The following PLCB1 variants were observed in gnomAD, a reference collection of about 807,000 sequenced individuals.
PLCB1 encodes 1-phosphatidylinositol 4,5-bisphosphate phosphodiesterase beta-1.
A neutral mutation model predicts 161.8 loss-of-function variants in PLCB1; 46 were observed. The observed-to-expected ratio is 0.28, with a 90% confidence interval of 0.22 to 0.36. The LOEUF is 0.36. PLCB1 is among the 10% of genes least tolerant of loss of function. The pLI is 1.00. For synonymous variants in PLCB1, 517 were observed against 503.7 expected, an observed-to-expected ratio of 1.03 and a Z score of -0.35; for missense variants, 1,016 against 1,472.5, an observed-to-expected ratio of 0.69 and a Z score of 5.07.
chr20:8,416,143 G>A (rs1434785777), intron 3 of PLCB1, among the ~76,000 whole-genome samples: 3 of 152,212 alleles, frequency 2.0e-5, no homozygotes, highest in Admixed American at 2.0e-4. Context: ...TGACTCATGT[G>A]TGTTGAGTTA....
At chr20:8,750,362 C>T (rs991746509) in intron 23 of PLCB1, among the ~76,000 whole-genome samples, 1 of 152,060 alleles carries the variant, frequency 6.6e-6, no homozygotes, top group Non-Finnish European at 1.5e-5. Flanking sequence ...GCTTCTAACT[C>T]ACCCTGGTAG....
intron 2 of PLCB1, among the ~76,000 whole-genome samples, chr20:8,247,650 A>G (rs1335875540): frequency 6.6e-6 from 1 of 151,754 alleles, no homozygotes; most frequent in Non-Finnish European, 1.5e-5. Context: ...AAACACACAC[A>G]CACACACACA....
intron 3 of PLCB1, among the ~76,000 whole-genome samples, chr20:8,518,935 G>T (rs1329683490): frequency 6.6e-6 from 1 of 151,994 alleles, no homozygotes; most frequent in African/African-American, 2.4e-5. Context: ...TGCATGCAAA[G>T]TTCCCAGTGG....
At chr20:8,380,164 GT>G (rs1415644118) in intron 3 of PLCB1, among the ~76,000 whole-genome samples, 1 of 152,198 alleles carries the variant, frequency 6.6e-6, no homozygotes, top group African/African-American at 2.4e-5. Flanking sequence ...AAGGGATCAA[GT>G]TTCAGTTTCC....
intron 31 of PLCB1, among the ~76,000 whole-genome samples, chr20:8,808,114 A>G (rs528298468): frequency 6.6e-6 from 1 of 152,208 alleles, no homozygotes; most frequent in Non-Finnish European, 1.5e-5. Flanking sequence ...TGTTACTTGC[A>G]TCTTGTGGAA....
At chr20:8,230,097 A>G (rs1979944241) in intron 2 of PLCB1, among the ~76,000 whole-genome samples, 1 of 150,564 alleles carries the variant, frequency 6.6e-6, no homozygotes, top group Admixed American at 6.6e-5. Flanking sequence ...AATCTGAAAA[A>G]CAGAAAACAA....
chr20:8,326,431 G>A (rs866411239), intron 2 of PLCB1, among the ~76,000 whole-genome samples: 2 of 152,158 alleles, frequency 1.3e-5, no homozygotes, highest in Admixed American at 6.5e-5. Flanking sequence ...AAGAATAGGC[G>A]ATTTTCAGTT....
At chr20:8,713,170 G>A (rs898307211) in intron 12 of PLCB1, among the ~76,000 whole-genome samples, 19 of 152,048 alleles carry the variant, frequency 1.2e-4, no homozygotes, top group Non-Finnish European at 1.2e-4. Context: ...AGTTGATTCT[G>A]AGGCAGGTTT....
intron 4 of PLCB1, among the ~76,000 whole-genome samples, chr20:8,635,032 T>A (rs1988717248): frequency 6.6e-6 from 1 of 152,192 alleles, no homozygotes; most frequent in Admixed American, 6.5e-5. Context: ...TCTCGCTCTA[T>A]CTCATGACTT....
intron 4 of PLCB1, among the ~76,000 whole-genome samples, chr20:8,633,736 A>G (rs953483371): frequency 1.3e-5 from 2 of 152,108 alleles, no homozygotes; most frequent in Non-Finnish European, 1.5e-5. Flanking sequence ...AAAGGAATAT[A>G]TCCACCTAAT....
intron 3 of PLCB1, among the ~76,000 whole-genome samples, chr20:8,526,900 C>T (rs1984607227): frequency 6.6e-6 from 1 of 151,990 alleles, no homozygotes; most frequent in Non-Finnish European, 1.5e-5. Context: ...GTTTTCACCC[C>T]TCATCTTTAG....
Position 8,883,258 on chromosome 20 carries a change from A to C in PLCB1, c.*1409A>C, listed in dbSNP as rs886056975. 1 of 152,158 alleles carries C rather than the reference A, an allele frequency of 6.6e-6. No homozygotes were observed. Among genetic ancestry groups the C allele is most frequent in the Non-Finnish European group, 1.5e-5 (1 of 68,008 alleles). 9.4% of individuals were successfully genotyped at this position (152,158 alleles called of 1,614,324 possible). ...TGACACATTTCTATTTTATTCTAAC[A>C]TAAAAAAACTTCCATTATATATTTA... On this transcript the variant is annotated 3_prime_UTR_variant, in exon 32 of 32. Coordinates refer to ENST00000338037, the MANE Select transcript of PLCB1 (RefSeq NM_015192.4).
At chr20:8,168,179 G>A (rs551903813) in intron 2 of PLCB1, among the ~76,000 whole-genome samples, 2 of 152,252 alleles carry the variant, frequency 1.3e-5, no homozygotes, top group South Asian at 2.1e-4. Context: ...TCATAGGTTG[G>A]GGAAATAGAT....
chr20:8,516,703 ATATATATG>A (rs1366611055), intron 3 of PLCB1, among the ~76,000 whole-genome samples: 1,528 of 91,184 alleles, frequency 0.017, 16 homozygotes, highest in Middle Eastern at 0.024. Context: ...ATATATATAT[ATATATATG>A]TATTCCATTT....
intron 2 of PLCB1, among the ~76,000 whole-genome samples, chr20:8,285,008 G>T (rs1401181166): frequency 1.3e-5 from 2 of 151,114 alleles, no homozygotes; most frequent in Non-Finnish European, 2.9e-5. Context: ...TTTTAATATT[G>T]TTATGGTATT....
intron 3 of PLCB1, among the ~76,000 whole-genome samples, chr20:8,430,958 CAAAAA>C (rs892519144): frequency 6.7e-6 from 1 of 149,336 alleles, no homozygotes; most frequent in South Asian, 2.1e-4. Context: ...GACCATGTCT[CAAAAA>C]AAAGAAGAAA....
At chr20:8,405,239 G>A (rs931954834) in intron 3 of PLCB1, among the ~76,000 whole-genome samples, 6 of 152,060 alleles carry the variant, frequency 3.9e-5, no homozygotes, top group Admixed American at 2.0e-4. Flanking sequence ...CACATGTTTC[G>A]AGGTCATCTG....
intron 3 of PLCB1, among the ~76,000 whole-genome samples, chr20:8,584,483 G>GACACAC (rs61008784): frequency 0.12 from 18,414 of 147,632 alleles, 1,192 homozygotes; most frequent in South Asian, 0.15. Flanking sequence ...CACACACACA[G>GACACAC]ACACACACAC....
intron 3 of PLCB1, among the ~76,000 whole-genome samples, chr20:8,620,072 C>G (rs1988137926): frequency 6.6e-6 from 1 of 152,114 alleles, no homozygotes; most frequent in South Asian, 2.1e-4. Flanking sequence ...AGTTTTCCCT[C>G]AAGGTGGATG....
Sources: gnomAD v4.1 joint callset for allele counts (sites outside exome capture counted in the v4.1 genomes callset) on GRCh38, gnomAD v4.1.1 for gene constraint, MANE v1.5 for transcripts, NCBI Gene and HGNC (gene_info 2026-07-23, HGNC 2026-07-21) for gene names.